Variants in TMEM234 observed in about 807,000 individuals in gnomAD.
The protein encoded by TMEM234 is transmembrane protein 234.
TMEM234 carries 21 observed loss-of-function variants against 17.8 expected under a neutral mutation model. The ratio of observed to expected loss-of-function variants is 1.18; its 90% CI spans 0.84 to 1.70. The LOEUF (loss-of-function observed/expected upper bound fraction) is 1.70, where lower values mean the gene tolerates loss of function less well. Ranked by LOEUF, TMEM234 falls within the 40% of genes most tolerant of loss-of-function variation. The probability of loss-of-function intolerance (pLI) is 0.00; values close to 1 mark genes in which losing one functional copy is unlikely to be tolerated. For synonymous variants in TMEM234, 83 were observed against 73.5 expected (o/e 1.13, Z -0.66); for missense variants, 137 against 166.9 (o/e 0.82, Z 0.99).
chr1:32,219,943 G>C (rs944511543), intron 3 of TMEM234, among the ~76,000 whole-genome samples: 5 of 152,174 alleles, frequency 3.3e-5, no homozygotes, highest in African/African-American at 1.2e-4. Flanking sequence ...ATAGTCCCTG[G>C]CTGAAGTGGA....
intron 2 of TMEM234, 112 bp from the exon 3 acceptor site, chr1:32,221,309 C>A: frequency 1.3e-6 from 1 of 790,420 alleles, no homozygotes. Flanking sequence ...TATAAGGACC[C>A]AGAGAACACT....
At chr1:32,220,806 C>T (rs145149772) in intron 3 of TMEM234, among the ~76,000 whole-genome samples, 2 of 152,180 alleles carry the variant, frequency 1.3e-5, no homozygotes, top group Non-Finnish European at 1.5e-5. Context: ...AAATGGGTGA[C>T]TTGCTCATGG....
Position 32,221,845 on chromosome 1 carries a change from G to C in TMEM234, c.168+22C>G, listed in dbSNP as rs745744549. Reference sequence around the variant, plus strand: ...TCTTGGCGGCAACTCCACCGAGAGAGGGGCCTTTCACAGAGACGCACCTCA... The same window carrying C: ...TCTTGGCGGCAACTCCACCGAGAGACGGGCCTTTCACAGAGACGCACCTCA... On this transcript the variant is annotated intron_variant, in intron 2 of 4. Coordinates refer to ENST00000309777, the MANE Select transcript of TMEM234 (RefSeq NM_019118.5). 3.1e-6 allele frequency: 5 copies of C among 1,612,774 alleles called. No individual in the cohort carries two copies. The South Asian group carries it at 3.3e-5, about 11-fold the overall frequency.
intron 3 of TMEM234, among the ~76,000 whole-genome samples, chr1:32,220,080 A>G (rs1188450340): frequency 6.6e-6 from 1 of 152,238 alleles, no homozygotes; most frequent in Non-Finnish European, 1.5e-5. Context: ...GTGAATGGCT[A>G]CCTGTAGTCA....
chr1:32,217,492 G>C (rs1309325141), intron 3 of TMEM234, 141 bp from the exon 4 acceptor site: 3 of 1,530,554 alleles, frequency 2.0e-6, no homozygotes, highest in Non-Finnish European at 2.6e-6. Flanking sequence ...CAAATCTCAG[G>C]ACTCAAACCC....
intron 3 of TMEM234, chr1:32,217,569 G>A (rs538117835): frequency 2.9e-6 from 3 of 1,019,518 alleles, no homozygotes; most frequent in Non-Finnish European, 4.4e-6. Context: ...TCTGAGGTCT[G>A]GGACCAGCCT....
chr1:32,216,282 C>G lies in TMEM234; in HGVS notation c.*571G>C, dbSNP rs1005249336. On this transcript the variant is annotated 3_prime_UTR_variant, in exon 5 of 5. Coordinates refer to ENST00000309777, the MANE Select transcript of TMEM234 (RefSeq NM_019118.5). ...GGGGCTGGGGCTCACAGCTCTCTACCTGTTTAAGAGGGGCTGGCAGTGAGG... is the reference window on the plus strand; with the variant it reads ...GGGGCTGGGGCTCACAGCTCTCTACGTGTTTAAGAGGGGCTGGCAGTGAGG... 2.0e-6 allele frequency: 3 copies of G among 1,486,192 alleles called. No individual in the cohort carries two copies. The African/African-American group carries it at 4.2e-5, about 21-fold the overall frequency. 92.1% of individuals were successfully genotyped at this position (1,486,192 alleles called of 1,614,324 possible).
intron 3 of TMEM234, among the ~76,000 whole-genome samples, chr1:32,220,688 T>C (rs1198783874): frequency 6.6e-6 from 1 of 152,192 alleles, no homozygotes. Flanking sequence ...AAAGGAAATT[T>C]ATGTATATGG....
Position 32,222,291 on chromosome 1 carries a change from G to A in TMEM234, c.16+16C>T. 1.9e-6 allele frequency: 3 copies of A among 1,545,336 alleles called. No homozygotes were observed. Among genetic ancestry groups the A allele is most frequent in the Non-Finnish European group, 2.6e-6 (3 of 1,146,756 alleles). On this transcript the variant is annotated intron_variant, in intron 1 of 4. Coordinates refer to ENST00000309777, the MANE Select transcript of TMEM234 (RefSeq NM_019118.5). ...AGGGTCGGGAAATCCATGGAAGGGC[G>A]GGGCCGGCTACCTACCCAGAGACGC... is the stretch of plus-strand genomic sequence containing the variant.
At chr1:32,220,970 G>A (rs1262841126) in intron 3 of TMEM234, among the ~76,000 whole-genome samples, 161 bp downstream of exon 3, 2 of 152,132 alleles carry the variant, frequency 1.3e-5, no homozygotes, top group Admixed American at 1.3e-4. Context: ...AGCACACTGT[G>A]CCCCTCTTGT....
At chr1:32,220,268 C>A (rs991574678) in intron 3 of TMEM234, among the ~76,000 whole-genome samples, 1 of 152,182 alleles carries the variant, frequency 6.6e-6, no homozygotes, top group Admixed American at 6.5e-5. Flanking sequence ...CCTCCGCCTC[C>A]CAGGTTCAAG....
downstream of TMEM234, chr1:32,215,847 C>T: frequency 6.4e-7 from 1 of 1,553,214 alleles, no homozygotes; most frequent in African/African-American, 1.4e-5. Context: ...GGAAAACCAG[C>T]CTGGGGCTGG....
At chr1:32,220,740 T>C (rs1366292126) in intron 3 of TMEM234, among the ~76,000 whole-genome samples, 1 of 152,136 alleles carries the variant, frequency 6.6e-6, no homozygotes, top group Non-Finnish European at 1.5e-5. Flanking sequence ...ATGTTTCCCA[T>C]TCATTAAATT....
rs186057656 is a variant in TMEM234 at position 32,220,288 on chromosome 1, C to T, written c.235+843G>A. On this transcript the variant is annotated intron_variant, in intron 3 of 4. Coordinates refer to ENST00000309777, the MANE Select transcript of TMEM234 (RefSeq NM_019118.5). ...GCCTCCCAGGTTCAAGCCATTCTCG[C>T]GCCTCAGCCTCCCAAGTAGCTGGGA... Among the ~76,000 whole-genome samples the T allele has an allele frequency of 4.7e-4, 72 of 152,224 alleles. 1 individual carries two copies. The highest frequency in any genetic ancestry group is 1.5e-3 in the Admixed American group (23 of 15,288).
At position 32,217,599 on chromosome 1, in the gene TMEM234, G is replaced by GAATGA. The variant is rs1638517686; in HGVS notation, c.236-249_236-248insTCATT. ...CAGCCTGGTTTGATAATGAGAATGAGGTCTTTGCACTCAAAGAGAACTCGT... is the reference window on the plus strand; with the variant it reads ...CAGCCTGGTTTGATAATGAGAATGAGAATGAGTCTTTGCACTCAAAGAGAACTCGT... On this transcript the variant is annotated intron_variant, in intron 3 of 4. Transcript: ENST00000309777. 3 of 793,680 alleles carry GAATGA rather than the reference G, an allele frequency of 3.8e-6. No individual in the cohort carries two copies. In the East Asian group the frequency reaches 8.7e-5, roughly 23 times the overall value. The allele number at this position is 793,680 out of a possible 1,614,324, so 49.2% of individuals were successfully genotyped here. A position where few individuals can be genotyped will look rare whatever the true frequency, so the allele number is the denominator to read the frequency against.
chr1:32,220,897 G>A (rs1357511287), intron 3 of TMEM234, among the ~76,000 whole-genome samples: 10 of 152,098 alleles, frequency 6.6e-5, no homozygotes, highest in East Asian at 3.9e-4. Context: ...TTCTTCCTCC[G>A]CTGGTCACAC....
Position 32,217,307 on chromosome 1 carries a change from A to G in TMEM234, c.280T>C (p.Phe94Leu), listed in dbSNP as rs1438560672. Reference protein sequence around the residue: ...VPICNSLAIIFTLIVGKALGE... With the variant: ...VPICNSLAIILTLIVGKALGE... ...AGGGCCTTCCCAACAATCAGTGTGA[A>G]GATGATAGCCAGAGAGTTACAGATG... The change falls in exon 4 of 5, where the codon TTC (phenylalanine) becomes CTC (leucine). Residue 94 changes from phenylalanine to leucine, a missense_variant. Transcript: ENST00000309777. The G allele has an allele frequency of 6.2e-7, 1 of 1,614,000 alleles. No individual in the cohort carries two copies. The highest frequency in any genetic ancestry group is 2.2e-5 in the East Asian group (1 of 44,886).
intron 4 of TMEM234, 126 bp from the exon 5 acceptor site, chr1:32,217,073 T>C (rs747175891): frequency 1.9e-5 from 29 of 1,565,648 alleles, no homozygotes; most frequent in East Asian, 9.5e-5. Context: ...TCTGTCTTTC[T>C]CCAGACTGTC....
At chr1:32,215,924 G>A, downstream of TMEM234, 1 of 1,527,510 alleles carries the variant, frequency 6.5e-7, no homozygotes, top group Non-Finnish European at 8.9e-7. Flanking sequence ...AGGGCAACTG[G>A]GGACCACTAC....
Sources: allele counts gnomAD v4.1 joint callset (sites outside exome capture counted in the v4.1 genomes callset), GRCh38; gene constraint gnomAD v4.1.1; transcripts MANE v1.5; gene names NCBI Gene and HGNC (gene_info 2026-07-23, HGNC 2026-07-21).